Variants in TMTC2 observed in about 807,000 individuals in gnomAD.
TMTC2 encodes protein O-mannosyl-transferase TMTC2.
TMTC2 carries 43 observed loss-of-function variants against 82.4 expected under a neutral mutation model. That is an observed-to-expected ratio of 0.52 (90% confidence interval 0.41 to 0.67). The LOEUF (loss-of-function observed/expected upper bound fraction) is 0.67. Ranked by LOEUF, TMTC2 falls within the 30% of genes least tolerant of loss-of-function variation. The probability of loss-of-function intolerance (pLI) is 0.00; values close to 1 mark genes in which losing one functional copy is unlikely to be tolerated. For missense variants in TMTC2, 919 were observed against 1,012.4 expected (o/e 0.91, Z 1.25); for synonymous variants, 408 against 381.9 (o/e 1.07, Z -0.80).
intron 1 of TMTC2, among the ~76,000 whole-genome samples, chr12:82,854,577 G>C (rs1373757603): frequency 1.3e-5 from 2 of 152,098 alleles, no homozygotes; most frequent in Non-Finnish European, 2.9e-5. Context: ...TAGTATGAAG[G>C]GAAGATAGGG....
chr12:82,973,881 T>C (rs1878554657), intron 7 of TMTC2, among the ~76,000 whole-genome samples: 1 of 152,218 alleles, frequency 6.6e-6, no homozygotes, highest in Non-Finnish European at 1.5e-5. Context: ...ATTTCATTGC[T>C]ATTAAAACCA....
At chr12:82,720,082 A>T (rs1297892195) in intron 1 of TMTC2, among the ~76,000 whole-genome samples, 1 of 152,138 alleles carries the variant, frequency 6.6e-6, no homozygotes, top group Non-Finnish European at 1.5e-5. Flanking sequence ...CATAATTCAC[A>T]TATATACAGT....
chr12:82,873,487 A>G (rs1399582560), intron 2 of TMTC2, among the ~76,000 whole-genome samples: 3 of 152,106 alleles, frequency 2.0e-5, no homozygotes, highest in African/African-American at 7.2e-5. Flanking sequence ...TTTCAAAACT[A>G]TGATAAATTG....
intron 7 of TMTC2, among the ~76,000 whole-genome samples, chr12:82,977,755 A>G (rs988222110): frequency 6.6e-5 from 10 of 151,844 alleles, no homozygotes; most frequent in African/African-American, 2.4e-4. Flanking sequence ...TGAGGTTATA[A>G]TAAGAGTTGT....
chr12:82,896,108 C>T lies in TMTC2; in HGVS notation c.945C>T (p.Ala315=), dbSNP rs762273809. ...VCDWRNLHTV[A]FYTGLLLLAY... ...ACTGGAGAAACCTACACACTGTGGCCTTCTATACTGGACTCCTTCTCCTTG... is the reference window on the plus strand; with the variant it reads ...ACTGGAGAAACCTACACACTGTGGCTTTCTATACTGGACTCCTTCTCCTTG... The change falls in exon 3 of 12, where the codon GCC becomes GCT. Residue 315 remains alanine (A), a synonymous_variant. Transcript: ENST00000321196. The T allele has an allele frequency of 5.2e-5, 84 of 1,613,900 alleles. No homozygotes were observed. The highest frequency in any genetic ancestry group is 7.0e-5 in the Non-Finnish European group (83 of 1,180,014).
Position 82,769,254 on chromosome 12 carries a change from C to T in TMTC2, c.83+81585C>T, listed in dbSNP as rs185645463. On this transcript the variant is annotated intron_variant, in intron 1 of 11. Transcript: ENST00000321196. ...TTGGGAGGCCGAGGCGGGTGAAACACCTTAGGTCAGGAGTTTGAGACCAGC... is the reference window on the plus strand; with the variant it reads ...TTGGGAGGCCGAGGCGGGTGAAACATCTTAGGTCAGGAGTTTGAGACCAGC... Among the ~76,000 whole-genome samples, 147 of 151,948 alleles carry T rather than the reference C, an allele frequency of 9.7e-4. 2 individuals carry two copies. Among genetic ancestry groups the T allele is most frequent in the Admixed American group, 8.3e-3 (127 of 15,218 alleles).
chr12:82,762,366 G>A (rs572256364), intron 1 of TMTC2, among the ~76,000 whole-genome samples: 9 of 152,130 alleles, frequency 5.9e-5, no homozygotes, highest in South Asian at 2.1e-4. Flanking sequence ...TCCAATGCTC[G>A]TGCAGTTCTA....
intron 1 of TMTC2, among the ~76,000 whole-genome samples, chr12:82,743,296 C>T (rs1875512364): frequency 6.6e-6 from 1 of 151,922 alleles, no homozygotes; most frequent in Admixed American, 6.6e-5. Context: ...CAAAAATTAG[C>T]TGGGAATGGT....
chr12:82,815,217 A>G, intron 1 of TMTC2, among the ~76,000 whole-genome samples: 1 of 148,978 alleles, frequency 6.7e-6, no homozygotes, highest in Non-Finnish European at 1.5e-5. Flanking sequence ...GGCTGGATGG[A>G]GTGCATTGGC....
chr12:83,085,570 C>T (rs1883625044), intron 11 of TMTC2, among the ~76,000 whole-genome samples: 1 of 152,004 alleles, frequency 6.6e-6, no homozygotes, highest in African/African-American at 2.4e-5. Context: ...AAATAAAGTG[C>T]CATGAAAAAT....
At chr12:82,904,465 A>C (rs1472490837) in intron 3 of TMTC2, among the ~76,000 whole-genome samples, 1 of 152,224 alleles carries the variant, frequency 6.6e-6, no homozygotes, top group Admixed American at 6.5e-5. Context: ...TTTATGGTTT[A>C]AATCTGGATA....
intron 1 of TMTC2, among the ~76,000 whole-genome samples, chr12:82,820,263 G>A (rs1041415043): frequency 3.3e-5 from 5 of 152,066 alleles, no homozygotes; most frequent in African/African-American, 1.2e-4. Flanking sequence ...TGCCAACACT[G>A]TCATAGACAC....
At chr12:83,091,510 A>C (rs929409428) in intron 11 of TMTC2, among the ~76,000 whole-genome samples, 2 of 152,194 alleles carry the variant, frequency 1.3e-5, no homozygotes, top group African/African-American at 4.8e-5. Flanking sequence ...AGCAGTTCAC[A>C]TTCTCACTGG....
intron 4 of TMTC2, among the ~76,000 whole-genome samples, chr12:82,940,443 G>A (rs918328575): frequency 6.6e-5 from 10 of 151,996 alleles, no homozygotes; most frequent in Admixed American, 5.2e-4. Context: ...TTTTAATAAT[G>A]AGAATTAGAT....
intron 1 of TMTC2, among the ~76,000 whole-genome samples, chr12:82,835,484 C>T (rs1195166909): frequency 2.0e-5 from 3 of 152,142 alleles, no homozygotes; most frequent in South Asian, 2.1e-4. Context: ...AATTTTAGGT[C>T]TTAGGATTTA....
intron 3 of TMTC2, among the ~76,000 whole-genome samples, chr12:82,913,388 A>C (rs11115483): frequency 2.6e-5 from 4 of 152,060 alleles, no homozygotes; most frequent in Non-Finnish European, 4.4e-5. Flanking sequence ...TGGAGCAGAC[A>C]TTTACTTTTG....
At chr12:83,011,155 A>G (rs530582933) in intron 8 of TMTC2, among the ~76,000 whole-genome samples, 37 of 152,312 alleles carry the variant, frequency 2.4e-4, no homozygotes, top group African/African-American at 8.4e-4. Context: ...TAATATTTCA[A>G]AAGTATAGAA....
At chr12:82,711,933 A>C (rs949564025) in intron 1 of TMTC2, among the ~76,000 whole-genome samples, 8 of 152,266 alleles carry the variant, frequency 5.3e-5, no homozygotes, top group African/African-American at 1.9e-4. Context: ...AGAGAAGTGA[A>C]TTCTCCTCCT....
intron 8 of TMTC2, among the ~76,000 whole-genome samples, chr12:83,005,994 G>A (rs1033729472): frequency 6.6e-6 from 1 of 152,114 alleles, no homozygotes; most frequent in African/African-American, 2.4e-5. Context: ...AAACCCCCTG[G>A]GCTTTACACA....
Sources: allele counts gnomAD v4.1 joint callset (sites outside exome capture counted in the v4.1 genomes callset), GRCh38; gene constraint gnomAD v4.1.1; transcripts MANE v1.5; gene names NCBI Gene and HGNC (gene_info 2026-07-23, HGNC 2026-07-21).